Variants in DHX35 observed in about 807,000 individuals in gnomAD.
DHX35 encodes the protein DEAH-box helicase 35, also known as probable ATP-dependent RNA helicase DHX35.
DHX35 carries 84 observed loss-of-function variants against 99.6 expected under a neutral mutation model. That is an observed-to-expected ratio of 0.84 (90% CI 0.71 to 1.01). The LOEUF is 1.01. Ranked by LOEUF, DHX35 falls within the 50% of genes least tolerant of loss-of-function variation. DHX35 has a pLI of 0.00. For synonymous variants in DHX35, 331 were observed against 316.2 expected, an observed-to-expected ratio of 1.05 and a Z score of -0.50; for missense variants, 852 against 888.5, an observed-to-expected ratio of 0.96 and a Z score of 0.52.
chr20:39,006,166 G>A lies in DHX35; in HGVS notation c.1032G>A (p.Val344=). 6.2e-7 allele frequency: 1 copy of A among 1,613,862 alleles called. No individual in the cohort carries two copies. Among genetic ancestry groups the A allele is most frequent in the Non-Finnish European group, 8.5e-7 (1 of 1,179,818 alleles). The change falls in exon 12 of 22, where the codon GTG becomes GTA. Residue 344 remains valine (V), a synonymous_variant. Transcript: ENST00000252011. ...CGTAGGTGATAGTGGCCACCAATGT[G>A]GCAGAAACCTCTATCACAATCAGCG... ...SVRKVIVATN[V]AETSITISGI... is the part of the protein sequence containing the mutation.
At position 38,992,418 on chromosome 20, in the gene DHX35, T is replaced by C. The variant is rs749613375; in HGVS notation, c.575T>C (p.Leu192Pro). The C allele has an allele frequency of 6.2e-7, 1 of 1,614,064 alleles. No individual in the cohort carries two copies. The highest frequency in any genetic ancestry group is 1.7e-5 in the Admixed American group (1 of 60,020). ...TACACTGACATTGCCATTGGCTTGCTAAAAAAGGTATGACTTCACTGCCAG... is the reference window on the plus strand; with the variant it reads ...TACACTGACATTGCCATTGGCTTGCCAAAAAAGGTATGACTTCACTGCCAG... Reference protein sequence around the residue: ...TLYTDIAIGLLKKIQKKRGDL... With the variant: ...TLYTDIAIGLPKKIQKKRGDL... The change falls in exon 7 of 22, where the codon CTA becomes CCA. Residue 192 changes from leucine to proline, a missense_variant. Coordinates refer to ENST00000252011, the MANE Select transcript of DHX35 (RefSeq NM_021931.4).
In DHX35 at chr20:38,969,832, A is replaced by G. The variant is rs1008062854; in HGVS notation, c.174+618A>G. On this transcript the variant is annotated intron_variant, in intron 2 of 21. Coordinates refer to ENST00000252011, the MANE Select transcript of DHX35 (RefSeq NM_021931.4). ...GGCTAGCAATAATTCTCCAGTACAG[A>G]TGGACACAGTTGACATATACACTTT... Among the ~76,000 whole-genome samples, 3 of 152,366 alleles carry G rather than the reference A, an allele frequency of 2.0e-5. No homozygotes were observed. The East Asian group carries it at 5.8e-4, about 29-fold the overall frequency.
chr20:39,007,834 AC>A (rs1199628375), intron 12 of DHX35, among the ~76,000 whole-genome samples: 2 of 152,238 alleles, frequency 1.3e-5, no homozygotes, highest in Admixed American at 1.3e-4. Flanking sequence ...GAGAGCCAGG[AC>A]TGAAAGGGAT....
At chr20:39,034,750 C>T (rs1196227665) in intron 21 of DHX35, among the ~76,000 whole-genome samples, 1 of 150,716 alleles carries the variant, frequency 6.6e-6, no homozygotes, top group Non-Finnish European at 1.5e-5. Flanking sequence ...CCACGTCTGG[C>T]TCATTTTTTT....
At chr20:38,962,597 C>T (rs1320910893) in intron 1 of DHX35, 190 bp downstream of exon 1, 1 of 646,994 alleles carries the variant, frequency 1.5e-6, no homozygotes, top group South Asian at 2.0e-5. Context: ...GGGTGCTCCC[C>T]TAGCGTGAGC....
chr20:39,017,660 G>A (rs562549320), intron 14 of DHX35, among the ~76,000 whole-genome samples: 1 of 152,274 alleles, frequency 6.6e-6, no homozygotes, highest in Non-Finnish European at 1.5e-5. Context: ...CGTTTAAGTA[G>A]TAAAACAGTA....
chr20:39,002,437 T>C (rs1463133994), intron 9 of DHX35, among the ~76,000 whole-genome samples: 1 of 152,226 alleles, frequency 6.6e-6, no homozygotes, highest in African/African-American at 2.4e-5. Context: ...GAAAATGGGC[T>C]GGGAAGAGCG....
intron 18 of DHX35, 43 bp from the exon 19 acceptor site, chr20:39,028,375 C>T: frequency 6.3e-7 from 1 of 1,589,546 alleles, no homozygotes; most frequent in East Asian, 2.2e-5. Flanking sequence ...GAGCCTAGGG[C>T]AGGCAAGGGT....
chr20:38,993,353 C>T (rs1057222664), intron 7 of DHX35, among the ~76,000 whole-genome samples: 37 of 152,032 alleles, frequency 2.4e-4, no homozygotes, highest in East Asian at 7.8e-4. Context: ...TTTTTCTTTT[C>T]TTCTCTCTTT....
chr20:38,972,381 C>T (rs1461799540), intron 2 of DHX35, among the ~76,000 whole-genome samples, 178 bp from the exon 3 acceptor site: 2 of 152,192 alleles, frequency 1.3e-5, no homozygotes, highest in African/African-American at 4.8e-5. Context: ...AACACGATTG[C>T]AGTTGTATTC....
At chr20:39,004,664 A>T (rs181578460) in intron 11 of DHX35, among the ~76,000 whole-genome samples, 80 of 152,312 alleles carry the variant, frequency 5.3e-4, no homozygotes, top group African/African-American at 1.9e-3. Flanking sequence ...AGAGTGAGGA[A>T]GGGTGTGGTG....
chr20:39,023,524 T>C (rs2086904652), intron 16 of DHX35, among the ~76,000 whole-genome samples, 166 bp from the exon 17 acceptor site: 1 of 152,096 alleles, frequency 6.6e-6, no homozygotes, highest in Admixed American at 6.5e-5. Context: ...GATTTTTTTT[T>C]TTAGCTTTTG....
At chr20:38,982,565 G>A (rs2086189614) in intron 3 of DHX35, among the ~76,000 whole-genome samples, 1 of 152,166 alleles carries the variant, frequency 6.6e-6, no homozygotes, top group South Asian at 2.1e-4. Flanking sequence ...GATTCTCAGA[G>A]TCAGAGCTAC....
rs758188921 is a variant in DHX35 at position 39,028,430 on chromosome 20, T to A, written c.1814T>A (p.Leu605Gln). 1 of 1,614,114 alleles carries A rather than the reference T, an allele frequency of 6.2e-7. No individual in the cohort carries two copies. Among genetic ancestry groups the A allele is most frequent in the African/African-American group, 1.3e-5 (1 of 74,942 alleles). ...GCTGCCTATGTAGGTGACCCGGATC[T>A]GGTTCTGAGGTGCATTGTCTCCGGC... ...PRKSSEGDPDLVLRCIVSGFF... is the reference protein window; with the variant it reads ...PRKSSEGDPDQVLRCIVSGFF... Residue 605 changes from leucine (L) to glutamine (Q), a missense_variant, in exon 19 of 22, where the codon CTG becomes CAG. Leu to Gln is a moderately radical substitution (Grantham distance 113, BLOSUM62 -2). Coordinates refer to ENST00000252011, the MANE Select transcript of DHX35 (RefSeq NM_021931.4).
At chr20:38,967,018 A>G (rs1268038489) in intron 1 of DHX35, among the ~76,000 whole-genome samples, 1 of 152,170 alleles carries the variant, frequency 6.6e-6, no homozygotes, top group African/African-American at 2.4e-5. Flanking sequence ...ACAGTGCCCC[A>G]CTTACCTGAT....
chr20:38,993,390 G>T (rs2086371785), intron 7 of DHX35, among the ~76,000 whole-genome samples: 1 of 151,650 alleles, frequency 6.6e-6, no homozygotes, highest in South Asian at 2.1e-4. Flanking sequence ...ACGGAGTTTT[G>T]CCCTTGTTGC....
intron 4 of DHX35, among the ~76,000 whole-genome samples, chr20:38,985,149 G>A (rs568206976): frequency 1.3e-5 from 2 of 152,152 alleles, no homozygotes; most frequent in East Asian, 1.9e-4. Context: ...TTGGGAGGCC[G>A]AGGCAAGAGG....
chr20:39,001,994 C>T, intron 9 of DHX35, 152 bp downstream of exon 9: 1 of 719,930 alleles, frequency 1.4e-6, no homozygotes, highest in Non-Finnish European at 2.4e-6. Flanking sequence ...TTACCCTGCT[C>T]CGGATCACTG....
intron 14 of DHX35, among the ~76,000 whole-genome samples, chr20:39,017,109 C>G: frequency 6.6e-6 from 1 of 152,118 alleles, no homozygotes; most frequent in African/African-American, 2.4e-5. Context: ...GTCTAAGAAA[C>G]TTGCCTAACT....
Sources: gnomAD v4.1 joint callset for allele counts (sites outside exome capture counted in the v4.1 genomes callset) on GRCh38, gnomAD v4.1.1 for gene constraint, MANE v1.5 for transcripts, NCBI Gene and HGNC (gene_info 2026-07-23, HGNC 2026-07-21) for gene names.